The following RAB38 variants were observed in gnomAD, a reference collection of about 807,000 sequenced individuals.
RAB38 encodes ras-related protein Rab-38.
RAB38 carries 15 observed loss-of-function variants against 18.4 expected under a neutral mutation model. The ratio of observed to expected loss-of-function variants is 0.82; its 90% CI spans 0.55 to 1.26. The LOEUF is 1.26. RAB38 is among the 50% of genes most tolerant of loss of function. RAB38 has a pLI of 0.00. For synonymous variants in RAB38, 101 were observed against 104.4 expected (o/e 0.97, Z 0.20); for missense variants, 294 against 267.4 (o/e 1.10, Z -0.69).
At chr11:88,168,182 C>G (rs1943266892) in intron 1 of RAB38, among the ~76,000 whole-genome samples, 1 of 152,136 alleles carries the variant, frequency 6.6e-6, no homozygotes, top group South Asian at 2.1e-4. Flanking sequence ...ATCTATGAAA[C>G]TGGAAGTAAG....
chr11:88,011,843 T>A, the RAB38 span, among the ~76,000 whole-genome samples: 13 of 152,270 alleles, frequency 8.5e-5, no homozygotes, highest in African/African-American at 2.4e-4. Flanking sequence ...GGGACTCAGG[T>A]ATAGGCCTCC....
chr11:87,953,833 A>AAGATGGAATCTGTGTTTT, the RAB38 span, among the ~76,000 whole-genome samples: 2 of 151,744 alleles, frequency 1.3e-5, no homozygotes, highest in African/African-American at 2.4e-5. Context: ...TTTTAGGCCC[A>AAGATGGAATCTGTGTTTT]AGATGGAATC....
At chr11:87,940,391 A>C in the RAB38 span, among the ~76,000 whole-genome samples, 1 of 152,188 alleles carries the variant, frequency 6.6e-6, no homozygotes, top group African/African-American at 2.4e-5. Context: ...AATTTCCCTC[A>C]ATATCTGTTA....
At chr11:87,840,063 A>G in the RAB38 span, among the ~76,000 whole-genome samples, 1 of 152,204 alleles carries the variant, frequency 6.6e-6, no homozygotes, top group Non-Finnish European at 1.5e-5. Context: ...ACAGGAAAAT[A>G]ATGCAAATTC....
chr11:88,039,024 G>A, the RAB38 span, among the ~76,000 whole-genome samples: 11 of 152,236 alleles, frequency 7.2e-5, no homozygotes, highest in South Asian at 2.1e-3. Context: ...AAATAATGAG[G>A]AATCAAAGAA....
chr11:87,947,388 T>C, the RAB38 span, among the ~76,000 whole-genome samples: 4 of 152,196 alleles, frequency 2.6e-5, no homozygotes, highest in Non-Finnish European at 4.4e-5. Flanking sequence ...AGCTCTTTAG[T>C]TTAATTAGAT....
At chr11:88,056,803 C>CAATAAATA in the RAB38 span, among the ~76,000 whole-genome samples, 3,246 of 121,266 alleles carry the variant, frequency 0.027, 43 homozygotes, top group South Asian at 0.064. Flanking sequence ...GACTCCGTCT[C>CAATAAATA]AATAAATAAA....
At chr11:88,044,703 G>A in the RAB38 span, among the ~76,000 whole-genome samples, 4 of 151,936 alleles carry the variant, frequency 2.6e-5, no homozygotes, top group Admixed American at 1.3e-4. Flanking sequence ...TTCCCAATGC[G>A]ACTCATCCCA....
At chr11:87,936,916 T>G in the RAB38 span, among the ~76,000 whole-genome samples, 56 of 152,206 alleles carry the variant, frequency 3.7e-4, no homozygotes, top group Admixed American at 5.9e-4. Flanking sequence ...TATACAACCA[T>G]GCCATTTGCA....
chr11:87,871,834 G>A, the RAB38 span, among the ~76,000 whole-genome samples: 69 of 151,500 alleles, frequency 4.6e-4, no homozygotes, highest in African/African-American at 1.3e-3. Flanking sequence ...TGACTTCTGC[G>A]TAGCAATGGT....
the RAB38 span, among the ~76,000 whole-genome samples, chr11:87,971,026 G>A: frequency 6.6e-6 from 1 of 151,976 alleles, no homozygotes; most frequent in Non-Finnish European, 1.5e-5. Context: ...CTCTTAGATG[G>A]GTACTAAAAA....
intron 1 of RAB38, chr11:88,173,669 G>A (rs1406589717): frequency 2.0e-6 from 2 of 985,346 alleles, no homozygotes; most frequent in Non-Finnish European, 2.4e-6. Flanking sequence ...GCAGCCAGAA[G>A]GGTTTTCAGA....
At chr11:88,054,541 G>A in the RAB38 span, among the ~76,000 whole-genome samples, 4 of 152,166 alleles carry the variant, frequency 2.6e-5, no homozygotes, top group African/African-American at 9.7e-5. Context: ...GCTCATCTGG[G>A]ATTTAGTAAG....
At chr11:88,042,195 G>T in the RAB38 span, among the ~76,000 whole-genome samples, 1 of 152,070 alleles carries the variant, frequency 6.6e-6, no homozygotes, top group South Asian at 2.1e-4. Context: ...CTAGGAAAAG[G>T]TAGAAGTCTG....
chr11:88,130,361 G>C (rs945944729), intron 2 of RAB38, among the ~76,000 whole-genome samples: 16 of 152,088 alleles, frequency 1.1e-4, no homozygotes, highest in African/African-American at 3.9e-4. Flanking sequence ...CATCCACATG[G>C]GCTCAGGAAG....
At chr11:88,043,771 T>G in the RAB38 span, among the ~76,000 whole-genome samples, 41 of 152,190 alleles carry the variant, frequency 2.7e-4, no homozygotes, top group Non-Finnish European at 5.4e-4. Flanking sequence ...CAAAGCCTGT[T>G]TGGTGGTCTC....
the RAB38 span, among the ~76,000 whole-genome samples, chr11:87,971,816 C>T: frequency 6.6e-6 from 1 of 152,200 alleles, no homozygotes; most frequent in African/African-American, 2.4e-5. Flanking sequence ...GTCTTACTTT[C>T]ACTCTACTCT....
chr11:87,836,790 C>T, the RAB38 span, among the ~76,000 whole-genome samples: 8 of 152,290 alleles, frequency 5.3e-5, no homozygotes, highest in Non-Finnish European at 8.8e-5. Flanking sequence ...CCCAGTCCTA[C>T]GCTCTGCTCT....
chr11:87,869,963 A>G, the RAB38 span, among the ~76,000 whole-genome samples: 1 of 151,474 alleles, frequency 6.6e-6, no homozygotes, highest in South Asian at 2.1e-4. Flanking sequence ...TAATGTGTCT[A>G]ATTTATAAAA....
Sources: gnomAD v4.1 joint callset for allele counts (sites outside exome capture counted in the v4.1 genomes callset) on GRCh38, gnomAD v4.1.1 for gene constraint, MANE v1.5 for transcripts, NCBI Gene and HGNC (gene_info 2026-07-23, HGNC 2026-07-21) for gene names.